The following SLC36A1 variants were observed in gnomAD, a reference collection of about 807,000 sequenced individuals.
SLC36A1 encodes solute carrier family 36 member 1, also known as proton-coupled amino acid transporter 1.
SLC36A1 carries 30 observed loss-of-function variants against 47.5 expected under a neutral mutation model. That is an observed-to-expected ratio of 0.63 (90% CI 0.47 to 0.86). The LOEUF is 0.86. SLC36A1 is among the 40% of genes least tolerant of loss of function. The pLI, the probability that SLC36A1 is intolerant of heterozygous loss-of-function variation, is 0.00. For missense variants in SLC36A1, 517 were observed against 606.0 expected (o/e 0.85, Z 1.54); for synonymous variants, 255 against 249.7 (o/e 1.02, Z -0.20).
At chr5:151,464,459 C>T (rs1756034493) in intron 3 of SLC36A1, 55 bp from the exon 4 acceptor site, 2 of 1,488,722 alleles carry the variant, frequency 1.3e-6, no homozygotes, top group African/African-American at 1.4e-5. Context: ...ATTGGGTTCA[C>T]TCCTAATTCT....
chr5:151,503,056 G>A, the SLC36A1 span, among the ~76,000 whole-genome samples: 9 of 148,202 alleles, frequency 6.1e-5, no homozygotes, highest in East Asian at 3.8e-4. Flanking sequence ...AATAAGTTTC[G>A]TGGTTGCCAG....
At chr5:151,505,303 T>TG in the SLC36A1 span, 19 of 537,962 alleles carry the variant, frequency 3.5e-5, no homozygotes, top group South Asian at 4.8e-4. Flanking sequence ...AGTCAATTGT[T>TG]CCTGGTTTTC....
the SLC36A1 span, among the ~76,000 whole-genome samples, chr5:151,374,569 C>A: frequency 6.6e-6 from 1 of 152,236 alleles, no homozygotes; most frequent in African/African-American, 2.4e-5. Flanking sequence ...AAAATAATTT[C>A]TTTTCTTCTG....
At chr5:151,521,302 T>C in the SLC36A1 span, 1 of 1,611,194 alleles carries the variant, frequency 6.2e-7, no homozygotes. Context: ...CCTCTGCAGG[T>C]GGTGCCGCGG....
At chr5:151,520,994 A>G in the SLC36A1 span, among the ~76,000 whole-genome samples, 11 of 152,372 alleles carry the variant, frequency 7.2e-5, no homozygotes, top group African/African-American at 2.2e-4. Context: ...ATTTTAACCC[A>G]TGAAGACTGA....
chr5:151,543,059 T>C, the SLC36A1 span: 2 of 1,614,182 alleles, frequency 1.2e-6, no homozygotes, highest in Non-Finnish European at 8.5e-7. Context: ...TCAGAAAATT[T>C]CGGTAAGGAT....
the SLC36A1 span, among the ~76,000 whole-genome samples, chr5:151,363,048 T>C: frequency 0.16 from 24,339 of 148,470 alleles, 2,542 homozygotes; most frequent in Non-Finnish European, 0.24. Context: ...GTCTTCTCTG[T>C]CTTTGTTTTA....
chr5:151,382,666 G>A, the SLC36A1 span, among the ~76,000 whole-genome samples: 1 of 152,254 alleles, frequency 6.6e-6, no homozygotes, highest in South Asian at 2.1e-4. Context: ...AATCAATTGT[G>A]GCACATAGTA....
intron 7 of SLC36A1, among the ~76,000 whole-genome samples, chr5:151,469,634 A>G (rs1003576672): frequency 2.6e-5 from 4 of 151,966 alleles, no homozygotes; most frequent in African/African-American, 4.8e-5. Context: ...TGCACTTTTG[A>G]ATTTTTGTTA....
chr5:151,514,918 C>T, the SLC36A1 span, among the ~76,000 whole-genome samples: 1 of 152,262 alleles, frequency 6.6e-6, no homozygotes, highest in Non-Finnish European at 1.5e-5. Context: ...AGCATACACA[C>T]ATGGTGTTAT....
chr5:151,470,133 G>A (rs1222541060), intron 7 of SLC36A1, among the ~76,000 whole-genome samples: 1 of 152,116 alleles, frequency 6.6e-6, no homozygotes, highest in African/African-American at 2.4e-5. Context: ...GCCTGTGAAT[G>A]CACTATAGAC....
chr5:151,537,719 G>T, the SLC36A1 span: 160 of 1,429,266 alleles, frequency 1.1e-4, 1 homozygote, highest in East Asian at 1.7e-3. Context: ...TCTCCAAGGA[G>T]AATACCATGG....
the SLC36A1 span, among the ~76,000 whole-genome samples, chr5:151,370,948 G>T: frequency 1.3e-5 from 2 of 152,100 alleles, no homozygotes; most frequent in African/African-American, 4.8e-5. Flanking sequence ...AGCCAAGATC[G>T]CAGTACTACA....
the SLC36A1 span, chr5:151,543,340 G>C: frequency 6.2e-7 from 1 of 1,614,180 alleles, no homozygotes; most frequent in Non-Finnish European, 8.5e-7. Context: ...ACTGACATTG[G>C]ATTGAATGGA....
At position 151,476,618 on chromosome 5, in the gene SLC36A1, A is replaced by C. The variant is rs369178329; in HGVS notation, c.851A>C (p.Asp284Ala). The change falls in exon 9 of 11, where the codon GAT becomes GCT. Residue 284 changes from aspartate (D) to alanine (A), a missense_variant. By Grantham distance (126) the Asp-to-Ala change is moderately radical (BLOSUM62 -2). Transcript: ENST00000243389. ...MVLPLENKMKDPRKFPLILYL... is the reference protein window; with the variant it reads ...MVLPLENKMKAPRKFPLILYL... ...CTGCCCCTGGAAAACAAAATGAAGG[A>C]TCCTCGGAAGTTCCCACTCATCCTG... is the stretch of plus-strand genomic sequence containing the variant. The C allele has an allele frequency of 6.2e-7, 1 of 1,601,316 alleles. No homozygotes were observed. The highest frequency in any genetic ancestry group is 1.1e-5 in the South Asian group (1 of 89,238).
chr5:151,378,196 C>A, the SLC36A1 span: 1 of 261,044 alleles, frequency 3.8e-6, no homozygotes. Context: ...TTTTAATCTT[C>A]TTCATGAGAC....
chr5:151,549,717 A>G, the SLC36A1 span, among the ~76,000 whole-genome samples: 7 of 152,180 alleles, frequency 4.6e-5, no homozygotes, highest in Admixed American at 1.3e-4. Context: ...AGCTGTTTTA[A>G]TGGATAATTC....
chr5:151,534,758 G>A, the SLC36A1 span: 1 of 808,372 alleles, frequency 1.2e-6, no homozygotes, highest in Non-Finnish European at 2.0e-6. Flanking sequence ...TTCACAGCAA[G>A]GAGGGGTCAA....
the SLC36A1 span, among the ~76,000 whole-genome samples, chr5:151,383,431 A>C: frequency 1.3e-5 from 2 of 152,148 alleles, no homozygotes; most frequent in Non-Finnish European, 2.9e-5. Context: ...ACAGCTTGTG[A>C]TGAGTACTAC....
Sources: allele counts gnomAD v4.1 joint callset (sites outside exome capture counted in the v4.1 genomes callset), GRCh38; gene constraint gnomAD v4.1.1; transcripts MANE v1.5; gene names NCBI Gene and HGNC (gene_info 2026-07-23, HGNC 2026-07-21).